Variants in KIAA0825 observed in about 807,000 individuals in gnomAD.
KIAA0825 encodes the protein uncharacterized protein KIAA0825.
Under a neutral mutation model 147.6 loss-of-function variants are expected in KIAA0825, and 119 were observed. The observed-to-expected ratio is 0.81, with a 90% CI of 0.69 to 0.94. The LOEUF is 0.94. Ranked by LOEUF, KIAA0825 falls within the 40% of genes least tolerant of loss-of-function variation. The probability of loss-of-function intolerance (pLI) is 0.00; values close to 1 mark genes in which losing one functional copy is unlikely to be tolerated. For synonymous variants in KIAA0825, 470 were observed against 518.1 expected, an observed-to-expected ratio of 0.91 and a Z score of 1.26; for missense variants, 1,381 against 1,472.7, an observed-to-expected ratio of 0.94 and a Z score of 1.02.
chr5:94,477,336 A>G (rs1029121209), intron 6 of KIAA0825, 131 bp from the exon 7 acceptor site: 9 of 526,850 alleles, frequency 1.7e-5, no homozygotes, highest in Non-Finnish European at 2.0e-5. Flanking sequence ...ATACATATAC[A>G]CATCCACAAA....
intron 6 of KIAA0825, among the ~76,000 whole-genome samples, chr5:94,479,681 T>C (rs1002419381): frequency 2.6e-5 from 4 of 152,156 alleles, no homozygotes; most frequent in African/African-American, 9.7e-5. Context: ...CCAAACTGTC[T>C]TCCAAAGAGC....
intron 2 of KIAA0825, among the ~76,000 whole-genome samples, chr5:94,560,736 G>A (rs1396573254): frequency 6.6e-6 from 1 of 152,064 alleles, no homozygotes; most frequent in African/African-American, 2.4e-5. Context: ...ATTTACCTCC[G>A]TCTGCAACCA....
intron 20 of KIAA0825, among the ~76,000 whole-genome samples, chr5:94,375,761 G>A (rs530252570): frequency 5.0e-4 from 76 of 152,242 alleles, no homozygotes; most frequent in African/African-American, 1.6e-3. Context: ...GAGCTTGAAC[G>A]GGGGGAGACA....
At chr5:94,346,968 G>A (rs1263824554) in intron 20 of KIAA0825, among the ~76,000 whole-genome samples, 7 of 152,108 alleles carry the variant, frequency 4.6e-5, no homozygotes, top group East Asian at 3.9e-4. Flanking sequence ...GGCTGTTGTC[G>A]GGTCATGATG....
intron 20 of KIAA0825, among the ~76,000 whole-genome samples, chr5:94,310,879 G>A (rs1437510193): frequency 6.6e-6 from 1 of 151,626 alleles, no homozygotes; most frequent in African/African-American, 2.4e-5. Context: ...AGAAAAATCA[G>A]ACAGCCATAA....
At chr5:94,325,790 T>A (rs1780625248) in intron 20 of KIAA0825, among the ~76,000 whole-genome samples, 1 of 152,016 alleles carries the variant, frequency 6.6e-6, no homozygotes, top group Non-Finnish European at 1.5e-5. Context: ...TACAGCAGGT[T>A]ACTTGTTGAA....
At chr5:94,376,615 A>T (rs1747617667) in intron 20 of KIAA0825, among the ~76,000 whole-genome samples, 2 of 152,130 alleles carry the variant, frequency 1.3e-5, no homozygotes, top group African/African-American at 4.8e-5. Flanking sequence ...GCAAAAAACA[A>T]ACAAACAAAC....
At chr5:94,531,061 T>C (rs1466282418) in intron 3 of KIAA0825, among the ~76,000 whole-genome samples, 2 of 152,142 alleles carry the variant, frequency 1.3e-5, no homozygotes, top group African/African-American at 4.8e-5. Context: ...CAATTCTCTA[T>C]TGTCTTATGC....
At chr5:94,408,260 T>A (rs189843803) in intron 15 of KIAA0825, among the ~76,000 whole-genome samples, 43 of 152,298 alleles carry the variant, frequency 2.8e-4, no homozygotes, top group African/African-American at 1.0e-3. Flanking sequence ...ATTCCAGCAG[T>A]GAAAAGGCAG....
In KIAA0825 at chr5:94,334,847, A is replaced by C. The variant is rs529634716; in HGVS notation, c.3710+49521T>G. Among the ~76,000 whole-genome samples, 14 of 152,306 alleles carry C rather than the reference A, an allele frequency of 9.2e-5. No homozygotes were observed. In the East Asian group the frequency reaches 2.7e-3, roughly 29 times the overall value. The stretch of plus-strand genomic sequence containing the variant: ...GGAAAGTCACTCTCCATTTGGTGAG[A>C]TCTTCAAACTCAGAAGAGCAACATG... On this transcript the variant is annotated intron_variant, in intron 20 of 20. Coordinates refer to ENST00000682413, the MANE Select transcript of KIAA0825 (RefSeq NM_001145678.3).
intron 7 of KIAA0825, among the ~76,000 whole-genome samples, chr5:94,475,567 G>C (rs1761779275): frequency 1.3e-5 from 2 of 152,164 alleles, no homozygotes; most frequent in Non-Finnish European, 2.9e-5. Context: ...CAGCACTTTG[G>C]GAGGCCGAGG....
chr5:94,605,215 G>A (rs968195226), intron 1 of KIAA0825, among the ~76,000 whole-genome samples: 1 of 151,984 alleles, frequency 6.6e-6, no homozygotes, highest in African/African-American at 2.4e-5. Flanking sequence ...ACTGAACCAG[G>A]AAAAAATTAA....
chr5:94,470,806 C>T (rs904126120), intron 9 of KIAA0825, among the ~76,000 whole-genome samples: 13 of 152,096 alleles, frequency 8.5e-5, no homozygotes, highest in African/African-American at 2.7e-4. Flanking sequence ...AGAATAGATT[C>T]TCGGGGTCAC....
chr5:94,502,937 C>T (rs1454452206), intron 5 of KIAA0825, among the ~76,000 whole-genome samples: 1 of 151,770 alleles, frequency 6.6e-6, no homozygotes, highest in East Asian at 1.9e-4. Context: ...GGTGAAATCC[C>T]ATCTCCACTA....
intron 20 of KIAA0825, among the ~76,000 whole-genome samples, chr5:94,287,787 T>A (rs976292492): frequency 3.9e-5 from 6 of 152,134 alleles, no homozygotes; most frequent in African/African-American, 1.4e-4. Context: ...CATCATGAAA[T>A]GATGAATTTT....
intron 20 of KIAA0825, among the ~76,000 whole-genome samples, chr5:94,258,588 C>T (rs1562338116): frequency 1.3e-5 from 2 of 151,804 alleles, no homozygotes; most frequent in South Asian, 2.1e-4. Flanking sequence ...AAAGGAGTAA[C>T]TATAAATATA....
chr5:94,399,676 T>C (rs1751127317), intron 16 of KIAA0825, among the ~76,000 whole-genome samples: 1 of 152,074 alleles, frequency 6.6e-6, no homozygotes, highest in East Asian at 1.9e-4. Flanking sequence ...ATGTAACATA[T>C]TGTGTCATCC....
intron 5 of KIAA0825, among the ~76,000 whole-genome samples, chr5:94,496,360 G>A (rs1764353748): frequency 1.3e-5 from 2 of 152,174 alleles, no homozygotes; most frequent in South Asian, 4.1e-4. Flanking sequence ...GGCTGAAACA[G>A]GGACCTACCT....
At chr5:94,234,212 AT>A (rs1157200999) in intron 20 of KIAA0825, among the ~76,000 whole-genome samples, 112 of 151,902 alleles carry the variant, frequency 7.4e-4, no homozygotes, top group African/African-American at 2.7e-3. Flanking sequence ...TAAAAAAAAA[AT>A]ACAAAAAATT....
Sources: gnomAD v4.1 joint callset for allele counts (sites outside exome capture counted in the v4.1 genomes callset) on GRCh38, gnomAD v4.1.1 for gene constraint, MANE v1.5 for transcripts, NCBI Gene and HGNC (gene_info 2026-07-23, HGNC 2026-07-21) for gene names.